The following CSMD1 variants were observed in gnomAD, a reference collection of about 807,000 sequenced individuals.
CSMD1 encodes CUB and Sushi multiple domains 1, also known as CUB and sushi domain-containing protein 1.
A neutral mutation model predicts 417.5 loss-of-function variants in CSMD1; 213 were observed. That is an observed-to-expected ratio of 0.51 (90% CI 0.46 to 0.57). The LOEUF (loss-of-function observed/expected upper bound fraction) is 0.57, where lower values mean the gene tolerates loss of function less well. CSMD1 is among the 20% of genes least tolerant of loss of function. CSMD1 has a pLI of 0.00. For synonymous variants in CSMD1, 2,862 were observed against 1,736.8 expected (o/e 1.65, Z -16.11); for missense variants, 6,923 against 4,529.7 (o/e 1.53, Z -15.17).
rs117574434 is a variant in CSMD1, at chr8:4,646,976, G to A, written c.86-9418C>T. On this transcript the variant is annotated intron_variant, in intron 1 of 69. Transcript: ENST00000635120. ...ATGTCCAACACATTTTCTCTCTCCC[G>A]GGATGTGGACCTAGTCATAGACTAA... Among the ~76,000 whole-genome samples, 1,493 of 152,140 alleles carry A rather than the reference G, an allele frequency of 9.8e-3. 20 individuals carry two copies. Among genetic ancestry groups the A allele is most frequent in the Non-Finnish European group, 0.011 (761 of 68,012 alleles).
At chr8:4,696,804 A>G (rs1174795557) in intron 1 of CSMD1, among the ~76,000 whole-genome samples, 2 of 152,224 alleles carry the variant, frequency 1.3e-5, no homozygotes, top group Non-Finnish European at 2.9e-5. Context: ...GTTTACACAA[A>G]TTTATTAAAT....
In CSMD1 at chr8:4,841,065, T is replaced by G. The variant is rs1338600062; in HGVS notation, c.85+153267A>C. Among the ~76,000 whole-genome samples the G allele has an allele frequency of 2.6e-5, 4 of 152,228 alleles. No homozygotes were observed. The East Asian group carries it at 7.7e-4, about 29-fold the overall frequency. On this transcript the variant is annotated intron_variant, in intron 1 of 69. Coordinates refer to ENST00000635120, the MANE Select transcript of CSMD1 (RefSeq NM_033225.6). Reference sequence around the variant, plus strand: ...CCAACGTTCTTCCTGTATTCTTTCCTGCCTTGAGAAGAGCACCTGCTCTAA... The same window carrying G: ...CCAACGTTCTTCCTGTATTCTTTCCGGCCTTGAGAAGAGCACCTGCTCTAA...
intron 50 of CSMD1, among the ~76,000 whole-genome samples, chr8:3,046,105 G>A (rs1008064813): frequency 2.0e-5 from 3 of 152,078 alleles, no homozygotes; most frequent in Non-Finnish European, 4.4e-5. Flanking sequence ...TTCTTCTACC[G>A]CCATGGAACT....
chr8:3,468,452 A>G (rs1327510551), intron 12 of CSMD1, among the ~76,000 whole-genome samples: 1 of 152,168 alleles, frequency 6.6e-6, no homozygotes, highest in Non-Finnish European at 1.5e-5. Flanking sequence ...CACACTTCCT[A>G]GCTTACACCT....
chr8:4,856,069 A>G (rs1011002754), intron 1 of CSMD1, among the ~76,000 whole-genome samples: 21 of 152,334 alleles, frequency 1.4e-4, no homozygotes, highest in African/African-American at 5.1e-4. Flanking sequence ...GGATCTCTCG[A>G]CAGAAACCCT....
At chr8:3,789,751 GAC>G (rs1254065832) in intron 5 of CSMD1, among the ~76,000 whole-genome samples, 47 of 106,098 alleles carry the variant, frequency 4.4e-4, no homozygotes, top group Non-Finnish European at 7.3e-4. Context: ...TTTTTTTTGA[GAC>G]ACAGTTTCAC....
chr8:4,561,782 TTTGACTTGA>T lies in CSMD1; in HGVS notation c.302+75551_302+75559del, dbSNP rs1349705370. ...CAGACACTTTACCTGTGATCTCTCA[TTTGACTTGA>T]TGAGGCAGAGGTTATGAACATACCT... On this transcript the variant is annotated intron_variant, in intron 2 of 69. Coordinates refer to ENST00000635120, the MANE Select transcript of CSMD1 (RefSeq NM_033225.6). Among the ~76,000 whole-genome samples, 7 of 152,306 alleles carry T rather than the reference TTTGACTTGA, an allele frequency of 4.6e-5. No homozygotes were observed. The South Asian group carries it at 1.5e-3, about 32-fold the overall frequency.
intron 1 of CSMD1, among the ~76,000 whole-genome samples, chr8:4,753,528 C>G (rs994184516): frequency 6.6e-6 from 1 of 151,986 alleles, no homozygotes. Flanking sequence ...ACTCGTTGCT[C>G]GGTATACTAA....
At chr8:3,698,919 C>A (rs918729139) in intron 7 of CSMD1, among the ~76,000 whole-genome samples, 2 of 152,196 alleles carry the variant, frequency 1.3e-5, no homozygotes, top group Non-Finnish European at 1.5e-5. Context: ...CATGTCACAA[C>A]TTCCATTCTG....
intron 10 of CSMD1, among the ~76,000 whole-genome samples, chr8:3,512,812 G>A (rs765349803): frequency 1.3e-5 from 2 of 151,846 alleles, no homozygotes; most frequent in Admixed American, 6.6e-5. Context: ...CACCATGTTG[G>A]CTAGGATGGT....
At chr8:4,133,893 TTGTAAACATA>T (rs1803261830) in intron 3 of CSMD1, among the ~76,000 whole-genome samples, 1 of 152,198 alleles carries the variant, frequency 6.6e-6, no homozygotes, top group South Asian at 2.1e-4. Context: ...ATAAGAAATC[TTGTAAACATA>T]GTTATCCAGG....
chr8:4,290,099 C>CA (rs1797278442), intron 3 of CSMD1, among the ~76,000 whole-genome samples: 1 of 152,122 alleles, frequency 6.6e-6, no homozygotes, highest in Non-Finnish European at 1.5e-5. Context: ...TACAGATGTG[C>CA]AACAAAACCA....
intron 2 of CSMD1, among the ~76,000 whole-genome samples, chr8:4,480,841 A>G (rs1212160366): frequency 6.6e-6 from 1 of 152,166 alleles, no homozygotes; most frequent in African/African-American, 2.4e-5. Context: ...AGGTTTTGTC[A>G]CACCATTGTC....
At chr8:4,296,803 T>C (rs896421604) in intron 3 of CSMD1, among the ~76,000 whole-genome samples, 42 of 144,022 alleles carry the variant, frequency 2.9e-4, no homozygotes, top group African/African-American at 9.9e-4. Flanking sequence ...GAATAGAAAA[T>C]GTGATTATTG....
intron 5 of CSMD1, among the ~76,000 whole-genome samples, chr8:3,817,156 G>C (rs898390449): frequency 2.0e-5 from 3 of 148,768 alleles, no homozygotes; most frequent in Non-Finnish European, 4.4e-5. Flanking sequence ...TGTTCCTCGA[G>C]TAGAAAGAGA....
At chr8:3,884,197 A>C (rs935842822) in intron 5 of CSMD1, among the ~76,000 whole-genome samples, 1 of 152,218 alleles carries the variant, frequency 6.6e-6, no homozygotes, top group Admixed American at 6.6e-5. Flanking sequence ...CTTTTTAAAT[A>C]GGTAAGTTTG....
chr8:4,924,027 A>T (rs1290425242), intron 1 of CSMD1, among the ~76,000 whole-genome samples: 2 of 152,206 alleles, frequency 1.3e-5, no homozygotes, highest in Non-Finnish European at 2.9e-5. Flanking sequence ...CCTCTGTCAC[A>T]TCTCAGCTTG....
intron 3 of CSMD1, among the ~76,000 whole-genome samples, chr8:4,342,346 A>C (rs1421245632): frequency 6.6e-6 from 1 of 152,112 alleles, no homozygotes; most frequent in African/African-American, 2.4e-5. Context: ...CACACAGAAA[A>C]ATATGTGTAT....
intron 49 of CSMD1, among the ~76,000 whole-genome samples, chr8:3,083,610 T>TTTATATATATA (rs1563320333): frequency 1.6e-4 from 5 of 30,928 alleles, no homozygotes; most frequent in African/African-American, 6.9e-4. Flanking sequence ...ACCATAATTT[T>TTTATATATATA]TATATATATA....
Sources: gnomAD v4.1 joint callset for allele counts (sites outside exome capture counted in the v4.1 genomes callset) on GRCh38, gnomAD v4.1.1 for gene constraint, MANE v1.5 for transcripts, NCBI Gene and HGNC (gene_info 2026-07-23, HGNC 2026-07-21) for gene names.